The following AGA variants were observed in gnomAD, a reference collection of about 807,000 sequenced individuals.
AGA encodes the protein aspartylglucosaminidase.
Under a neutral mutation model 40.1 loss-of-function variants are expected in AGA, and 31 were observed. That is an observed-to-expected ratio of 0.77 (90% CI 0.58 to 1.04). The LOEUF (loss-of-function observed/expected upper bound fraction) is 1.04, where lower values mean the gene tolerates loss of function less well. Among genes scored for constraint, AGA ranks in the 50% least tolerant of loss-of-function variants. AGA has a pLI of 0.00. For missense variants in AGA, 445 were observed against 435.4 expected (o/e 1.02, Z -0.20); for synonymous variants, 148 against 144.0 (o/e 1.03, Z -0.20).
At position 177,436,312 on chromosome 4, in the gene AGA, C is replaced by A; in HGVS notation, c.662G>T (p.Gly221Val). 6.2e-7 allele frequency: 1 copy of A among 1,613,374 alleles called. No homozygotes were observed. Among genetic ancestry groups the A allele is most frequent in the Non-Finnish European group, 8.5e-7 (1 of 1,179,720 alleles). The change falls in exon 6 of 9, where the codon GGT becomes GTT. Residue 221 changes from glycine to valine, a missense_variant. Physicochemically the swap from Gly to Val is moderately radical, Grantham distance 109. Transcript: ENST00000264595. ...GAATTTTATACCATTTGTAGATGTA[C>A]CAGCAGCAATATGTCCTGTCTTATG... ...VIHKTGHIAA[G>V]TSTNGIKFKI...
rs1306999394 is a variant in AGA, at chr4:177,434,412, T to A, written c.776A>T (p.Asn259Ile). The part of the protein sequence containing the change: ...DTAGAAAATG[N>I]GDILMRFLPS... ...CAGGAAGCGCATCAATATATCACCA[T>A]TCCCAGTGGCTGCGGCTGCCCCTGC... The change falls in exon 7 of 9, where the codon AAT becomes ATT. Residue 259 changes from asparagine to isoleucine, a missense_variant. Asn to Ile is a moderately radical substitution (Grantham distance 149). Transcript: ENST00000264595. 6.2e-7 allele frequency: 1 copy of A among 1,614,014 alleles called. No homozygotes were observed. Among genetic ancestry groups the A allele is most frequent in the Non-Finnish European group, 8.5e-7 (1 of 1,180,004 alleles).
rs1347456058 is a variant in AGA at position 177,440,405 on chromosome 4, C to G, written c.149G>C (p.Gly50Ala). Residue 50 changes from glycine to alanine, a missense_variant, in exon 2 of 9, where the codon GGA becomes GCA. Transcript: ENST00000264595. ...TEAAWRALAS[G>A]GSALDAVESG... is the part of the protein sequence containing the mutation. Reference sequence around the variant, plus strand: ...CTCCACTGCATCCAGGGCAGAGCCTCCAGATGCTAATGCCCTCCACGCTGT... The same window carrying G: ...CTCCACTGCATCCAGGGCAGAGCCTGCAGATGCTAATGCCCTCCACGCTGT... 2 of 1,613,762 alleles carry G rather than the reference C, an allele frequency of 1.2e-6. No individual in the cohort carries two copies. Among genetic ancestry groups the G allele is most frequent in the Non-Finnish European group, 1.7e-6 (2 of 1,180,008 alleles).
chr4:177,434,613 C>T (rs931873203), intron 6 of AGA, 124 bp from the exon 7 acceptor site: 28 of 785,944 alleles, frequency 3.6e-5, no homozygotes, highest in African/African-American at 5.2e-5. Context: ...AATTCTTCAT[C>T]GGAACAAAGA....
Position 177,431,102 on chromosome 4 carries a change from A to G in AGA, c.*606T>C, listed in dbSNP as rs1736616726. 2.2e-6 allele frequency: 1 copy of G among 449,866 alleles called. No homozygotes were observed. The highest frequency in any genetic ancestry group is 2.0e-5 in the African/African-American group (1 of 49,658). The allele number at this position is 449,866 out of a possible 1,614,324, so 27.9% of individuals were successfully genotyped here. A position where few individuals can be genotyped will look rare whatever the true frequency, so the allele number is the denominator to read the frequency against. Reference sequence around the variant, plus strand: ...AACTTTCACACACTGAGAGCTCCATAAGAGGAAAAAAGCAAAGAAAATCAA... The same window carrying G: ...AACTTTCACACACTGAGAGCTCCATGAGAGGAAAAAAGCAAAGAAAATCAA... On this transcript the variant is annotated 3_prime_UTR_variant, in exon 9 of 9. Transcript: ENST00000264595.
rs537097287 is a variant in AGA, at chr4:177,442,355, C to A, written c.21G>T (p.Leu7Phe). The A allele has an allele frequency of 1.6e-5, 26 of 1,613,976 alleles. No homozygotes were observed. In the South Asian group the frequency reaches 2.7e-4, roughly 17 times the overall value. Residue 7 changes from leucine to phenylalanine, a missense_variant, in exon 1 of 9, where the codon TTG becomes TTT. Leu to Phe is a conservative substitution (Grantham distance 22). Coordinates refer to ENST00000264595, the MANE Select transcript of AGA (RefSeq NM_000027.4). Reference protein sequence around the residue: MARKSNLPVLLVPFLLC... With the variant: MARKSNFPVLLVPFLLC... ...GCAGAAACGGCACGAGAAGCACAGG[C>A]AAGTTCGACTTCCGCGCCATCCCTG... is the stretch of plus-strand genomic sequence containing the variant.
intron 6 of AGA, among the ~76,000 whole-genome samples, chr4:177,434,883 C>T (rs1311937337): frequency 3.4e-5 from 5 of 148,254 alleles, no homozygotes; most frequent in Non-Finnish European, 7.5e-5. Flanking sequence ...ATAGAGTGCA[C>T]ATTTGAAAAC....
At position 177,431,441 on chromosome 4, in the gene AGA, C is replaced by A; in HGVS notation, c.*267G>T. ...AGTAGCAATTTTTTGCAACACTGAT[C>A]AGAAATCCAAGTGTCACTTAAAACT... On this transcript the variant is annotated 3_prime_UTR_variant, in exon 9 of 9. Coordinates refer to ENST00000264595, the MANE Select transcript of AGA (RefSeq NM_000027.4). 1 of 480,994 alleles carries A rather than the reference C, an allele frequency of 2.1e-6. No homozygotes were observed. Among genetic ancestry groups the A allele is most frequent in the South Asian group, 1.9e-5 (1 of 53,564 alleles). 29.8% of individuals were successfully genotyped at this position (480,994 alleles called of 1,614,324 possible).
Position 177,440,292 on chromosome 4 carries a change from C to G in AGA, c.262G>C (p.Asp88His), listed in dbSNP as rs1736953628. Residue 88 changes from aspartate (D) to histidine (H), a missense_variant, in exon 2 of 9, where the codon GAT becomes CAT. Coordinates refer to ENST00000264595, the MANE Select transcript of AGA (RefSeq NM_000027.4). ...TCTTACCCATCCATGATCATGGCAT[C>G]TAGTGTGGTTTCTCCAAGTTCATCA... ...SPDELGETTLDAMIMDGTTMD... is the reference protein window; with the variant it reads ...SPDELGETTLHAMIMDGTTMD... 1 of 1,613,860 alleles carries G rather than the reference C, an allele frequency of 6.2e-7. No homozygotes were observed. Among genetic ancestry groups the G allele is most frequent in the Non-Finnish European group, 8.5e-7 (1 of 1,180,014 alleles).
At chr4:177,435,269 ATAAGT>A (rs1012933840) in intron 6 of AGA, among the ~76,000 whole-genome samples, 4 of 152,212 alleles carry the variant, frequency 2.6e-5, no homozygotes, top group African/African-American at 9.6e-5. Context: ...CTGTGAGATA[ATAAGT>A]TAAATAGCTT....
intron 4 of AGA, among the ~76,000 whole-genome samples, chr4:177,437,990 G>A (rs1736879387): frequency 6.6e-6 from 1 of 152,134 alleles, no homozygotes; most frequent in Non-Finnish European, 1.5e-5. Context: ...TCTAAGTTGT[G>A]CTTTAAGATT....
chr4:177,431,104 G>C lies in AGA; in HGVS notation c.*604C>G, dbSNP rs892112339. 7 of 449,294 alleles carry C rather than the reference G, an allele frequency of 1.6e-5. No individual in the cohort carries two copies. Among genetic ancestry groups the C allele is most frequent in the Non-Finnish European group, 2.7e-5 (6 of 224,892 alleles). The allele number at this position is 449,294 out of a possible 1,614,324, so 27.8% of individuals were successfully genotyped here. ...CTTTCACACACTGAGAGCTCCATAA[G>C]AGGAAAAAAGCAAAGAAAATCAACA... On this transcript the variant is annotated 3_prime_UTR_variant, in exon 9 of 9. Transcript: ENST00000264595.
At chr4:177,441,508 G>C (rs979334046) in intron 1 of AGA, among the ~76,000 whole-genome samples, 4 of 152,174 alleles carry the variant, frequency 2.6e-5, no homozygotes, top group Admixed American at 1.3e-4. Flanking sequence ...ACAAGGTGTA[G>C]AAGGCAGGAA....
rs368789800 is a variant in AGA, at chr4:177,432,018, T to G, written c.941-210A>C. Among the ~76,000 whole-genome samples, 5 of 152,300 alleles carry G rather than the reference T, an allele frequency of 3.3e-5. No individual in the cohort carries two copies. The East Asian group carries it at 5.8e-4, about 18-fold the overall frequency. On this transcript the variant is annotated intron_variant, in intron 8 of 8. Transcript: ENST00000264595. ...AGCTGGTAAACTATCTCTTTGAACT[T>G]CAGAAAACTGGCTGGTTTTTGTTGT...
chr4:177,440,664 T>TTTC (rs777094270), intron 1 of AGA, among the ~76,000 whole-genome samples: 1 of 151,612 alleles, frequency 6.6e-6, no homozygotes, highest in Non-Finnish European at 1.5e-5. Context: ...TTTTTTTTTT[T>TTTC]CACTTACTAA....
At chr4:177,435,924 C>T (rs1368741655) in intron 6 of AGA, among the ~76,000 whole-genome samples, 1 of 152,090 alleles carries the variant, frequency 6.6e-6, no homozygotes, top group Non-Finnish European at 1.5e-5. Flanking sequence ...CACATACACA[C>T]ACCCCAGTGG....
intron 2 of AGA, 139 bp downstream of exon 2, chr4:177,440,132 CTG>C (rs930145240): frequency 2.2e-5 from 22 of 992,040 alleles, no homozygotes; most frequent in African/African-American, 3.2e-5. Context: ...GAGAGGGAAA[CTG>C]TGTTTAGAAA....
chr4:177,437,001 GA>G, intron 5 of AGA: 1 of 244,756 alleles, frequency 4.1e-6, no homozygotes, highest in Non-Finnish European at 8.0e-6. Context: ...CCAGAACTGT[GA>G]GGCAAATAAA....
At chr4:177,441,381 C>T (rs1012990568) in intron 1 of AGA, among the ~76,000 whole-genome samples, 2 of 152,154 alleles carry the variant, frequency 1.3e-5, no homozygotes, top group Non-Finnish European at 2.9e-5. Flanking sequence ...AATACGTTAG[C>T]AACCTCAGAT....
At chr4:177,434,597 T>A in intron 6 of AGA, 108 bp from the exon 7 acceptor site, 1 of 895,170 alleles carries the variant, frequency 1.1e-6, no homozygotes, top group Non-Finnish European at 1.8e-6. Context: ...GATACCGTTT[T>A]AAGTAAATTC....
Sources: gnomAD v4.1 joint callset for allele counts (sites outside exome capture counted in the v4.1 genomes callset) on GRCh38, gnomAD v4.1.1 for gene constraint, MANE v1.5 for transcripts, NCBI Gene and HGNC (gene_info 2026-07-23, HGNC 2026-07-21) for gene names.